The following EFCAB6 variants were observed in gnomAD, a reference collection of about 807,000 sequenced individuals.
EFCAB6 encodes EF-hand calcium binding domain 6.
A neutral mutation model predicts 169.8 loss-of-function variants in EFCAB6; 156 were observed. The observed-to-expected ratio is 0.92, with a 90% CI of 0.81 to 1.05. The LOEUF is 1.05. Ranked by LOEUF, EFCAB6 falls within the 50% of genes least tolerant of loss-of-function variation. The pLI, the probability that EFCAB6 is intolerant of heterozygous loss-of-function variation, is 0.00. For missense variants in EFCAB6, 1,800 were observed against 1,829.1 expected (o/e 0.98, Z 0.29); for synonymous variants, 698 against 676.4 (o/e 1.03, Z -0.50).
At chr22:43,615,678 C>A in intron 21 of EFCAB6, 148 bp downstream of exon 21, 1 of 555,840 alleles carries the variant, frequency 1.8e-6, no homozygotes, top group Non-Finnish European at 3.0e-6. Context: ...TTGAAAAAGT[C>A]TTTTAAGAAT....
chr22:43,597,359 A>G (rs560593442), intron 23 of EFCAB6, among the ~76,000 whole-genome samples: 1 of 152,334 alleles, frequency 6.6e-6, no homozygotes, highest in East Asian at 1.9e-4. Context: ...ACAAGGGATT[A>G]ATAACCAGAA....
chr22:43,780,709 C>G (rs892201851), intron 3 of EFCAB6, among the ~76,000 whole-genome samples: 1 of 152,096 alleles, frequency 6.6e-6, no homozygotes, highest in African/African-American at 2.4e-5. Flanking sequence ...TCCTCTTTCT[C>G]CTTAGAAATA....
At chr22:43,611,684 G>A (rs1602598803) in intron 21 of EFCAB6, among the ~76,000 whole-genome samples, 1 of 152,148 alleles carries the variant, frequency 6.6e-6, no homozygotes, top group South Asian at 2.1e-4. Flanking sequence ...TGTGGTCCCA[G>A]CTATTTGGGA....
At chr22:43,647,033 A>T (rs1320151677) in intron 17 of EFCAB6, among the ~76,000 whole-genome samples, 2 of 152,162 alleles carry the variant, frequency 1.3e-5, no homozygotes, top group African/African-American at 4.8e-5. Context: ...TTCTGCTGAG[A>T]GGTGTTGTTA....
At chr22:43,619,108 G>C (rs934509811) in intron 20 of EFCAB6, among the ~76,000 whole-genome samples, 5 of 152,128 alleles carry the variant, frequency 3.3e-5, no homozygotes, top group Non-Finnish European at 2.9e-5. Flanking sequence ...GGAAGTTCCA[G>C]GTTCATCTCT....
At chr22:43,721,425 C>T (rs893445445) in intron 8 of EFCAB6, among the ~76,000 whole-genome samples, 4 of 152,096 alleles carry the variant, frequency 2.6e-5, no homozygotes, top group African/African-American at 9.7e-5. Context: ...AACCCAAAGC[C>T]CAAATAGCCA....
intron 19 of EFCAB6, among the ~76,000 whole-genome samples, chr22:43,631,856 A>G (rs1602748423): frequency 6.6e-6 from 1 of 150,982 alleles, no homozygotes; most frequent in South Asian, 2.1e-4. Context: ...ACCAACATCC[A>G]CCTCTTGTCA....
At chr22:43,780,490 A>T (rs919338884) in intron 3 of EFCAB6, among the ~76,000 whole-genome samples, 3 of 150,180 alleles carry the variant, frequency 2.0e-5, no homozygotes, top group African/African-American at 7.3e-5. Context: ...CTGTCTCAAA[A>T]AAAAAAAAAA....
Position 43,537,567 on chromosome 22 carries a change from G to A in EFCAB6, c.3880-22C>T, listed in dbSNP as rs2147040059. The A allele has an allele frequency of 1.9e-6, 3 of 1,583,410 alleles. No homozygotes were observed. Among genetic ancestry groups the A allele is most frequent in the East Asian group, 4.5e-5 (2 of 44,344 alleles). On this transcript the variant is annotated intron_variant, in intron 28 of 31. Transcript: ENST00000262726. The surrounding 1 kb of genome is among the most constrained non-coding windows in gnomAD (Gnocchi z 4.3). ...GAGTCTAGCAGGGAAGAAAAGAAAA[G>A]GCTCTTTTCACTTAAGATTTAAAAC...
chr22:43,730,926 C>A (rs965467759), intron 8 of EFCAB6, among the ~76,000 whole-genome samples: 1 of 152,160 alleles, frequency 6.6e-6, no homozygotes, highest in Non-Finnish European at 1.5e-5. Flanking sequence ...AATCATAGAA[C>A]ATGGTCCCTG....
intron 17 of EFCAB6, among the ~76,000 whole-genome samples, chr22:43,660,713 G>A (rs2056961213): frequency 6.6e-6 from 1 of 152,146 alleles, no homozygotes; most frequent in Non-Finnish European, 1.5e-5. Flanking sequence ...CAAGCACCTT[G>A]CCCTTCATGC....
At chr22:43,541,995 T>C (rs2047760769) in intron 27 of EFCAB6, among the ~76,000 whole-genome samples, 1 of 152,196 alleles carries the variant, frequency 6.6e-6, no homozygotes, top group Non-Finnish European at 1.5e-5. Flanking sequence ...GTGAGGGCAA[T>C]GGAAGGTGCA....
rs148638673 is a variant in EFCAB6, at chr22:43,796,681, A to G, written c.-8+12314T>C. ...TAAAATGTAAGAGCTGCAGACAATT[A>G]CGCTCTCTCCCAGCTCCTATAAGCA... is the stretch of plus-strand genomic sequence containing the variant. On this transcript the variant is annotated intron_variant, in intron 2 of 31. Transcript: ENST00000262726. Among the ~76,000 whole-genome samples, 81 of 152,270 alleles carry G rather than the reference A, an allele frequency of 5.3e-4. 1 individual carries two copies. The East Asian group carries it at 0.014, about 27-fold the overall frequency.
chr22:43,738,328 TCA>T (rs745898459), intron 6 of EFCAB6, among the ~76,000 whole-genome samples: 7 of 148,708 alleles, frequency 4.7e-5, no homozygotes, highest in Admixed American at 6.7e-5. Flanking sequence ...ACATATATAT[TCA>T]CACACACCTG....
intron 6 of EFCAB6, among the ~76,000 whole-genome samples, chr22:43,737,385 C>T (rs942535230): frequency 6.6e-6 from 1 of 150,922 alleles, no homozygotes; most frequent in African/African-American, 2.4e-5. Flanking sequence ...ATCACTCACA[C>T]ATATATTCAC....
chr22:43,686,634 G>A (rs1321956288), intron 11 of EFCAB6, among the ~76,000 whole-genome samples: 2 of 152,052 alleles, frequency 1.3e-5, no homozygotes, highest in South Asian at 4.2e-4. Flanking sequence ...GAGAGGGAGC[G>A]CTCTGATTAC....
Position 43,540,353 on chromosome 22 carries a change from T to G in EFCAB6, c.3653A>C (p.Asp1218Ala). Reference sequence around the variant, plus strand: ...GACTGGCATCTCGTTCCAGAGTCTGTCAAACTGGAGAAGGAGCAGAAGTCA... The same window carrying G: ...GACTGGCATCTCGTTCCAGAGTCTGGCAAACTGGAGAAGGAGCAGAAGTCA... ...RVQILTDEQF[D>A]RLWNEMPVNA... The change falls in exon 28 of 32, where the codon GAC becomes GCC. Residue 1218 changes from aspartate to alanine, a missense_variant. Coordinates refer to ENST00000262726, the MANE Select transcript of EFCAB6 (RefSeq NM_022785.4). The G allele has an allele frequency of 6.2e-7, 1 of 1,613,992 alleles. No individual in the cohort carries two copies. The highest frequency in any genetic ancestry group is 8.5e-7 in the Non-Finnish European group (1 of 1,180,018).
chr22:43,642,549 G>A (rs892029226), intron 17 of EFCAB6, among the ~76,000 whole-genome samples: 4 of 152,190 alleles, frequency 2.6e-5, no homozygotes, highest in Non-Finnish European at 5.9e-5. Context: ...CATGATCTGA[G>A]AGTTCCAGTC....
At chr22:43,558,194 G>T (rs1432194296) in intron 26 of EFCAB6, among the ~76,000 whole-genome samples, 1 of 152,184 alleles carries the variant, frequency 6.6e-6, no homozygotes, top group Non-Finnish European at 1.5e-5. Flanking sequence ...ATCATTATTT[G>T]TGGATATGAC....
Sources: allele counts gnomAD v4.1 joint callset (sites outside exome capture counted in the v4.1 genomes callset), GRCh38; gene constraint gnomAD v4.1.1; non-coding constraint Gnocchi (gnomAD v3.1); transcripts MANE v1.5; gene names NCBI Gene and HGNC (gene_info 2026-07-23, HGNC 2026-07-21).